Variants in ZPBP observed in about 807,000 individuals in gnomAD.
ZPBP encodes the protein zona pellucida binding protein, also known as zona pellucida-binding protein 1.
Under a neutral mutation model 44.8 loss-of-function variants are expected in ZPBP, and 26 were observed. The ratio of observed to expected loss-of-function variants is 0.58; its 90% CI spans 0.43 to 0.81. The LOEUF (loss-of-function observed/expected upper bound fraction) is 0.81, where lower values mean the gene tolerates loss of function less well. ZPBP is among the 30% of genes least tolerant of loss of function. ZPBP has a pLI of 0.00. For synonymous variants in ZPBP, 174 were observed against 153.2 expected (o/e 1.14, Z -1.00); for missense variants, 409 against 434.0 (o/e 0.94, Z 0.51).
chr7:50,034,070 T>A (rs1799721547), intron 4 of ZPBP, among the ~76,000 whole-genome samples: 1 of 152,152 alleles, frequency 6.6e-6, no homozygotes, highest in Admixed American at 6.5e-5. Flanking sequence ...GGACTCACTG[T>A]GATCTTTGGT....
chr7:50,021,729 T>C (rs1799101598), intron 5 of ZPBP, among the ~76,000 whole-genome samples: 1 of 152,028 alleles, frequency 6.6e-6, no homozygotes, highest in South Asian at 2.1e-4. Context: ...TTTTCAAAAA[T>C]CAAAGACAGA....
intron 5 of ZPBP, among the ~76,000 whole-genome samples, chr7:50,019,475 T>C (rs1025968684): frequency 1.3e-5 from 2 of 152,140 alleles, no homozygotes; most frequent in African/African-American, 4.8e-5. Flanking sequence ...TGTACTATTA[T>C]TATATGAATA....
At chr7:50,049,409 T>A (rs1454317072) in intron 4 of ZPBP, among the ~76,000 whole-genome samples, 1 of 151,644 alleles carries the variant, frequency 6.6e-6, no homozygotes, top group Non-Finnish European at 1.5e-5. Context: ...AAATTCCCAA[T>A]AAAATACTGG....
At chr7:50,008,623 C>A (rs1798422768) in intron 6 of ZPBP, among the ~76,000 whole-genome samples, 1 of 151,944 alleles carries the variant, frequency 6.6e-6, no homozygotes, top group Admixed American at 6.6e-5. Flanking sequence ...AAACTTACTA[C>A]AAAGTTACAG....
intron 5 of ZPBP, among the ~76,000 whole-genome samples, chr7:50,020,144 C>T (rs916562186): frequency 3.3e-5 from 5 of 151,804 alleles, no homozygotes; most frequent in Non-Finnish European, 5.9e-5. Flanking sequence ...ACCTAAGGTA[C>T]AGCTTTTGAA....
At chr7:49,857,271 G>A (rs1381485080) in intron 2 of ZPBP, among the ~76,000 whole-genome samples, 1 of 152,090 alleles carries the variant, frequency 6.6e-6, no homozygotes, top group African/African-American at 2.4e-5. Context: ...TTATATAAAT[G>A]GAATCATGCA....
At chr7:49,977,557 C>T (rs562859890) in intron 7 of ZPBP, among the ~76,000 whole-genome samples, 10 of 152,216 alleles carry the variant, frequency 6.6e-5, no homozygotes, top group African/African-American at 1.9e-4. Context: ...AACCTGCAAC[C>T]TAATCATTTC....
At chr7:49,892,031 ATTTTTTTTTTTTTT>A (rs536880676) in intron 2 of ZPBP, among the ~76,000 whole-genome samples, 2 of 53,200 alleles carry the variant, frequency 3.8e-5, no homozygotes, top group Non-Finnish European at 6.7e-5. Context: ...GACAAAGTAG[ATTTTTTTTTTTTTT>A]TTTTTTTTTT....
intron 3 of ZPBP, among the ~76,000 whole-genome samples, chr7:50,069,587 C>T (rs12718236): frequency 1 from 152,337 of 152,344 alleles, 76,165 homozygotes; most frequent in Middle Eastern, 1. Flanking sequence ...AAGAGGGCTA[C>T]TCTAATTCAC....
At chr7:50,062,131 C>G (rs1801274210) in intron 3 of ZPBP, among the ~76,000 whole-genome samples, 1 of 152,144 alleles carries the variant, frequency 6.6e-6, no homozygotes, top group African/African-American at 2.4e-5. Flanking sequence ...GGTGAACGAT[C>G]TCTACTATGA....
chr7:50,069,778 T>C (rs1801739902), intron 3 of ZPBP, among the ~76,000 whole-genome samples: 2 of 152,096 alleles, frequency 1.3e-5, no homozygotes, highest in African/African-American at 4.8e-5. Flanking sequence ...GGGGTCCTAT[T>C]ACAGGAGTTT....
At chr7:49,975,445 C>A (rs1253542527) in intron 7 of ZPBP, among the ~76,000 whole-genome samples, 1 of 152,146 alleles carries the variant, frequency 6.6e-6, no homozygotes, top group Non-Finnish European at 1.5e-5. Flanking sequence ...GATTGCCTGG[C>A]TACCCAGTGG....
chr7:49,872,131 C>T (rs1284415043), intron 2 of ZPBP, among the ~76,000 whole-genome samples: 1 of 151,848 alleles, frequency 6.6e-6, no homozygotes, highest in Non-Finnish European at 1.5e-5. Context: ...ATATGGAAAG[C>T]AATTAAAAAT....
At chr7:49,986,854 T>A (rs766718953) in intron 6 of ZPBP, among the ~76,000 whole-genome samples, 2 of 152,138 alleles carry the variant, frequency 1.3e-5, no homozygotes, top group Non-Finnish European at 2.9e-5. Context: ...AGGGGTATCT[T>A]AGGATGGGAT....
intron 2 of ZPBP, among the ~76,000 whole-genome samples, chr7:49,864,643 G>A (rs1440351988): frequency 6.6e-6 from 1 of 152,132 alleles, no homozygotes; most frequent in African/African-American, 2.4e-5. Context: ...CATCCCGAAT[G>A]GCTTCTGAGT....
downstream of ZPBP, among the ~76,000 whole-genome samples, chr7:49,934,192 A>G (rs1342603599): frequency 6.6e-6 from 1 of 152,152 alleles, no homozygotes; most frequent in African/African-American, 2.4e-5. Flanking sequence ...TTCATCCTCA[A>G]GCTGGTTCAC....
intron 6 of ZPBP, among the ~76,000 whole-genome samples, chr7:49,987,728 T>TTTTG (rs1491509565): frequency 2.1e-5 from 3 of 145,544 alleles, no homozygotes; most frequent in African/African-American, 5.1e-5. Flanking sequence ...TATATATGTG[T>TTTTG]TGTGTGTGTG....
chr7:49,940,684 T>TA (rs201579280), intron 7 of ZPBP: 29,969 of 655,260 alleles, frequency 0.046, no homozygotes, highest in Non-Finnish European at 0.051. Context: ...TTGAAATGAT[T>TA]AAAAAAAAAA....
chr7:49,952,332 G>A (rs998016706), intron 7 of ZPBP, among the ~76,000 whole-genome samples: 1 of 151,960 alleles, frequency 6.6e-6, no homozygotes, highest in Non-Finnish European at 1.5e-5. Context: ...AGTCAATCAT[G>A]CATAAAACAA....
Sources: gnomAD v4.1 joint callset for allele counts (sites outside exome capture counted in the v4.1 genomes callset) on GRCh38, gnomAD v4.1.1 for gene constraint, MANE v1.5 for transcripts, NCBI Gene and HGNC (gene_info 2026-07-23, HGNC 2026-07-21) for gene names.